Variants in GRIA1 observed in about 807,000 individuals in gnomAD.
The protein encoded by GRIA1 is glutamate ionotropic receptor AMPA type subunit 1.
A neutral mutation model predicts 99.2 loss-of-function variants in GRIA1; 31 were observed. That is an observed-to-expected ratio of 0.31 (90% CI 0.23 to 0.42). The LOEUF (loss-of-function observed/expected upper bound fraction) is 0.42. Among genes scored for constraint, GRIA1 ranks in the 10% least tolerant of loss-of-function variants. The probability of loss-of-function intolerance (pLI) is 1.00; values close to 1 mark genes in which losing one functional copy is unlikely to be tolerated. For missense variants in GRIA1, 782 were observed against 1,157.5 expected (o/e 0.68, Z 4.71); for synonymous variants, 438 against 432.4 (o/e 1.01, Z -0.16).
At position 153,686,293 on chromosome 5, in the gene GRIA1, C is replaced by G. The variant is rs1488874994; in HGVS notation, c.1098C>G (p.Leu366=). The G allele has an allele frequency of 1.9e-6, 3 of 1,613,786 alleles. No homozygotes were observed. The change falls in exon 8 of 16, where the codon CTC becomes CTG. Residue 366 remains leucine (L), a synonymous_variant. Coordinates refer to ENST00000285900, the MANE Select transcript of GRIA1 (RefSeq NM_000827.4). ...AAGGACGCCGGACCAACTACACGCT[C>G]CACGTGATTGAAATGAAACATGACG... The part of the protein sequence containing the change: ...NEKGRRTNYT[L]HVIEMKHDGI...
intron 4 of GRIA1, among the ~76,000 whole-genome samples, chr5:153,653,609 C>T (rs1219532016): frequency 1.4e-4 from 22 of 152,060 alleles, no homozygotes. Flanking sequence ...TGAGGTTATC[C>T]ATCACATCCC....
chr5:153,547,201 G>A (rs549880891), intron 2 of GRIA1, among the ~76,000 whole-genome samples: 2 of 151,936 alleles, frequency 1.3e-5, no homozygotes, highest in African/African-American at 2.4e-5. Context: ...ATCAGCTATT[G>A]TTAGTGTTAG....
intron 10 of GRIA1, among the ~76,000 whole-genome samples, chr5:153,700,521 T>G (rs527376397): frequency 4.6e-5 from 7 of 152,074 alleles, no homozygotes; most frequent in Non-Finnish European, 8.8e-5. Flanking sequence ...AGGACTTGGG[T>G]TGAAGAGTAG....
intron 2 of GRIA1, among the ~76,000 whole-genome samples, chr5:153,503,236 T>G (rs1755177023): frequency 6.6e-6 from 1 of 152,346 alleles, no homozygotes; most frequent in Non-Finnish European, 1.5e-5. Flanking sequence ...TAGAACAATT[T>G]CCAATGAAAT....
At chr5:153,544,306 G>T (rs976220489) in intron 2 of GRIA1, among the ~76,000 whole-genome samples, 2 of 152,118 alleles carry the variant, frequency 1.3e-5, no homozygotes, top group Admixed American at 1.3e-4. Flanking sequence ...CTGAAAGCAT[G>T]GTTCCTCTGG....
intron 2 of GRIA1, among the ~76,000 whole-genome samples, chr5:153,610,179 A>AT (rs1328754778): frequency 6.6e-6 from 1 of 152,184 alleles, no homozygotes; most frequent in Non-Finnish European, 1.5e-5. Context: ...AATGGAGACT[A>AT]AAAATAGGGT....
At chr5:153,559,828 C>CA (rs896980450) in intron 2 of GRIA1, among the ~76,000 whole-genome samples, 33 of 151,412 alleles carry the variant, frequency 2.2e-4, no homozygotes, top group Non-Finnish European at 2.7e-4. Flanking sequence ...TAATTTTATA[C>CA]AAAAAAAAAT....
intron 11 of GRIA1, among the ~76,000 whole-genome samples, chr5:153,710,930 G>T (rs900948850): frequency 3.2e-4 from 49 of 152,324 alleles, no homozygotes; most frequent in Middle Eastern, 3.4e-3. Flanking sequence ...TTCTGAGAAG[G>T]TTTCTCTGAG....
At chr5:153,699,820 A>G (rs1192672754) in intron 10 of GRIA1, among the ~76,000 whole-genome samples, 1 of 152,184 alleles carries the variant, frequency 6.6e-6, no homozygotes, top group Non-Finnish European at 1.5e-5. Context: ...TCAATAAATT[A>G]CAGCAGTTTT....
chr5:153,724,432 G>A (rs1396479326), intron 11 of GRIA1, among the ~76,000 whole-genome samples: 1 of 152,190 alleles, frequency 6.6e-6, no homozygotes, highest in Non-Finnish European at 1.5e-5. Context: ...GAAGGCTTCA[G>A]ACGATCAAAC....
At chr5:153,596,810 G>A (rs188556935) in intron 2 of GRIA1, among the ~76,000 whole-genome samples, 1 of 152,164 alleles carries the variant, frequency 6.6e-6, no homozygotes, top group Admixed American at 6.5e-5. Context: ...CAGGAAGAGG[G>A]GATTCTGCAC....
Position 153,599,864 on chromosome 5 carries a change from T to C in GRIA1, c.221-47064T>C, listed in dbSNP as rs76492748. Reference sequence around the variant, plus strand: ...AGAGAAAATGGGACTTTGAAGTAAATGAAGGGAGGGGAAAAGAAAAATGTG... The same window carrying C: ...AGAGAAAATGGGACTTTGAAGTAAACGAAGGGAGGGGAAAAGAAAAATGTG... On this transcript the variant is annotated intron_variant, in intron 2 of 15. Transcript: ENST00000285900. Among the ~76,000 whole-genome samples, 2 of 151,686 alleles carry C rather than the reference T, an allele frequency of 1.3e-5. 1 individual carries two copies. Among genetic ancestry groups the C allele is most frequent in the South Asian group, 4.2e-4 (2 of 4,796 alleles).
At chr5:153,513,792 C>T (rs1756340575) in intron 2 of GRIA1, among the ~76,000 whole-genome samples, 1 of 151,790 alleles carries the variant, frequency 6.6e-6, no homozygotes, top group African/African-American at 2.4e-5. Flanking sequence ...AGCCACTTTA[C>T]ACCTGTGCAA....
chr5:153,802,319 T>C, intron 14 of GRIA1, 37 bp from the exon 15 acceptor site: 2 of 1,608,296 alleles, frequency 1.2e-6, no homozygotes, highest in South Asian at 1.1e-5. Flanking sequence ...CACTTTATTC[T>C]TCCCCCTCCC....
intron 5 of GRIA1, among the ~76,000 whole-genome samples, chr5:153,659,449 T>C (rs927489292): frequency 6.6e-6 from 1 of 152,186 alleles, no homozygotes; most frequent in Non-Finnish European, 1.5e-5. Flanking sequence ...CTGCCAGTGG[T>C]CCTCCAAACC....
Position 153,523,120 on chromosome 5 carries a change from C to T in GRIA1, c.220+29055C>T, listed in dbSNP as rs79698992. ...TTATCATGTCATCTCTCTTGTTCTC[C>T]CTTGTCTGATTGGGTAAGTTCAGAG... On this transcript the variant is annotated intron_variant, in intron 2 of 15. Coordinates refer to ENST00000285900, the MANE Select transcript of GRIA1 (RefSeq NM_000827.4). 1.0e-4 allele frequency among the ~76,000 whole-genome samples: 15 copies of T among 149,986 alleles called. No individual in the cohort carries two copies. In the East Asian group the frequency reaches 2.9e-3, roughly 29 times the overall value.
At chr5:153,807,701 A>G (rs952242308) in intron 15 of GRIA1, among the ~76,000 whole-genome samples, 4 of 152,242 alleles carry the variant, frequency 2.6e-5, no homozygotes, top group Non-Finnish European at 5.9e-5. Context: ...GTCATACAAC[A>G]GCAGAAAATA....
chr5:153,728,952 C>T (rs1361804333), intron 11 of GRIA1, among the ~76,000 whole-genome samples: 1 of 131,558 alleles, frequency 7.6e-6, no homozygotes, highest in South Asian at 3.2e-4. Context: ...TATTGCAGCA[C>T]TATTCACAAT....
chr5:153,715,555 G>C (rs1295452620), intron 11 of GRIA1, among the ~76,000 whole-genome samples: 3 of 152,000 alleles, frequency 2.0e-5, no homozygotes, highest in African/African-American at 7.3e-5. Flanking sequence ...AAAATAATAA[G>C]ACCTACCTCA....
Sources: allele counts gnomAD v4.1 joint callset (sites outside exome capture counted in the v4.1 genomes callset), GRCh38; gene constraint gnomAD v4.1.1; transcripts MANE v1.5; gene names NCBI Gene and HGNC (gene_info 2026-07-23, HGNC 2026-07-21).